Variants in CAPN12 observed in about 807,000 individuals in gnomAD.
CAPN12 encodes calpain 12.
CAPN12 carries 107 observed loss-of-function variants against 95.0 expected under a neutral mutation model. The ratio of observed to expected loss-of-function variants is 1.13; its 90% confidence interval spans 0.96 to 1.32. CAPN12 has a LOEUF of 1.32. Ranked by LOEUF, CAPN12 falls within the 40% of genes most tolerant of loss-of-function variation. The pLI is 0.00. For synonymous variants in CAPN12, 505 were observed against 415.5 expected (o/e 1.22, Z -2.62); for missense variants, 1,136 against 997.8 (o/e 1.14, Z -1.87).
Position 38,736,176 on chromosome 19 carries a change from G to A in CAPN12, c.1517C>T (p.Thr506Ile), listed in dbSNP as rs1437274960. The A allele has an allele frequency of 6.6e-7, 1 of 1,514,214 alleles. No homozygotes were observed. The allele number at this position is 1,514,214 out of a possible 1,614,324, so 93.8% of individuals were successfully genotyped here. The change falls in exon 12 of 21, where the codon ACC becomes ATC. Residue 506 changes from threonine to isoleucine, a missense_variant. Thr to Ile is a moderately conservative substitution (Grantham distance 89). Coordinates refer to ENST00000328867, the MANE Select transcript of CAPN12 (RefSeq NM_144691.4). ...RPGHYLVVPS[T>I]AHAGDEADFT... ...GTCAGCCTCGTCGCCGGCGTGGGCG[G>A]TGCTCGGCACCACCAGGTAGTGGCC...
rs750649524 is a variant in CAPN12, at chr19:38,740,194, G to A, written c.586C>T (p.Arg196Trp). The change falls in exon 5 of 21, where the codon CGG (arginine) becomes TGG (tryptophan). Residue 196 changes from arginine to tryptophan, a missense_variant. Transcript: ENST00000328867. ...AKLHGSYEVM[R>W]GGHMNEAFVD... ...AAAGCCTCATTCATGTGGCCGCCCC[G>A]CATCACCTCATAGGAGCCGTGGAGC... The A allele has an allele frequency of 4.0e-5, 64 of 1,609,904 alleles. No individual in the cohort carries two copies. The Middle Eastern group carries it at 4.9e-4, about 12-fold the overall frequency.
Position 38,730,414 on chromosome 19 carries a change from G to A in CAPN12, c.*438C>T, listed in dbSNP as rs1459476483. On this transcript the variant is annotated 3_prime_UTR_variant, in exon 21 of 21. Transcript: ENST00000328867. The stretch of plus-strand genomic sequence containing the variant: ...TGGCCTGGCTGCCTGGTGGTTGATG[G>A]TTTTGCTCCCCCTACCTTTTTTTTT... 3 of 186,290 alleles carry A rather than the reference G, an allele frequency of 1.6e-5. No individual in the cohort carries two copies. In the South Asian group the frequency reaches 3.0e-4, roughly 18 times the overall value. 11.5% of individuals were successfully genotyped at this position (186,290 alleles called of 1,614,324 possible).
chr19:38,740,023 G>T (rs1970454199), intron 5 of CAPN12, 28 bp downstream of exon 5: 2 of 1,524,042 alleles, frequency 1.3e-6, no homozygotes, highest in African/African-American at 1.4e-5. Context: ...CCTGGTGGGG[G>T]TTCCGCATGC....
chr19:38,731,234 GCTGCTT>G lies in CAPN12; in HGVS notation c.1958-17_1958-12del, dbSNP rs1969578793. The G allele has an allele frequency of 6.2e-7, 1 of 1,609,348 alleles. No individual in the cohort carries two copies. The highest frequency in any genetic ancestry group is 8.5e-7 in the Non-Finnish European group (1 of 1,177,696). ...TGTTCAGGTGGAAGCCTAGGGGGAG[GCTGCTT>G]CTGAGCCCAGTGGCCCACAGGGAAC... is the stretch of plus-strand genomic sequence containing the variant. On this transcript the variant is annotated splice_polypyrimidine_tract_variant and intron_variant, in intron 18 of 20. Coordinates refer to ENST00000328867, the MANE Select transcript of CAPN12 (RefSeq NM_144691.4).
intron 4 of CAPN12, among the ~76,000 whole-genome samples, chr19:38,740,878 G>C (rs975261469): frequency 6.6e-6 from 1 of 152,084 alleles, no homozygotes; most frequent in African/African-American, 2.4e-5. Flanking sequence ...TGGGCCTGTG[G>C]TCCTTGGGGT....
chr19:38,736,614 G>T, intron 10 of CAPN12, 51 bp from the exon 11 acceptor site: 2 of 1,568,954 alleles, frequency 1.3e-6, no homozygotes, highest in Non-Finnish European at 8.7e-7. Flanking sequence ...GGTGGCCGCC[G>T]CTCAGGGTCT....
rs575237128 is a variant in CAPN12 at position 38,733,533 on chromosome 19, G to A, written c.1957+170C>T. 4 of 547,166 alleles carry A rather than the reference G, an allele frequency of 7.3e-6. No homozygotes were observed. In the Admixed American group the frequency reaches 1.0e-4, roughly 14 times the overall value. 33.9% of individuals were successfully genotyped at this position (547,166 alleles called of 1,614,324 possible). On this transcript the variant is annotated intron_variant, in intron 18 of 20. Transcript: ENST00000328867. ...CCCTTGCCCTTCTCCTTCCTTATTT[G>A]GCCTCTTTCAGGGTCACCCAACCCC...
At chr19:38,740,933 G>C (rs922943900) in intron 4 of CAPN12, among the ~76,000 whole-genome samples, 14 of 152,110 alleles carry the variant, frequency 9.2e-5, no homozygotes, top group Non-Finnish European at 1.5e-5. Context: ...AGCTGTGTTA[G>C]AATTCTGAGA....
At chr19:38,736,657 C>A in intron 10 of CAPN12, 94 bp from the exon 11 acceptor site, 1 of 1,344,750 alleles carries the variant, frequency 7.4e-7, no homozygotes, top group Non-Finnish European at 1.0e-6. Flanking sequence ...TGTGCTCTCT[C>A]CCTCCTTCTT....
chr19:38,735,982 CA>C lies in CAPN12; in HGVS notation c.1583+127del, dbSNP rs1970091341. 9 of 227,182 alleles carry C rather than the reference CA, an allele frequency of 4.0e-5. No individual in the cohort carries two copies. In the African/African-American group the frequency reaches 5.9e-4, roughly 15 times the overall value. The allele number at this position is 227,182 out of a possible 1,614,324, so 14.1% of individuals were successfully genotyped here. A position where few individuals can be genotyped will look rare whatever the true frequency, so the allele number is the denominator to read the frequency against. On this transcript the variant is annotated intron_variant, in intron 12 of 20. Coordinates refer to ENST00000328867, the MANE Select transcript of CAPN12 (RefSeq NM_144691.4). ...GTTCTGGGGGCGGGGCGGGGCGGGG[CA>C]GGGGTTCTGGGGGCGGGGCAGGTCA...
At position 38,731,177 on chromosome 19, in the gene CAPN12, G is replaced by A. The variant is rs1198413855; in HGVS notation, c.2004C>T (p.Tyr668=). The change falls in exon 19 of 21, where the codon TAC becomes TAT. Residue 668 remains tyrosine, a synonymous_variant. Coordinates refer to ENST00000328867, the MANE Select transcript of CAPN12 (RefSeq NM_144691.4). ...NQLTQTLTSR[Y]RDSRLRVDFE... Reference sequence around the variant, plus strand: ...AGTCCACACGCAGACGGCTATCCCGGTAGCGGCTGGTGAGGGTCTGGGTCA... The same window carrying A: ...AGTCCACACGCAGACGGCTATCCCGATAGCGGCTGGTGAGGGTCTGGGTCA... 4 of 1,613,130 alleles carry A rather than the reference G, an allele frequency of 2.5e-6. No individual in the cohort carries two copies. Among genetic ancestry groups the A allele is most frequent in the Non-Finnish European group, 3.4e-6 (4 of 1,180,012 alleles).
At position 38,737,162 on chromosome 19, in the gene CAPN12, C is replaced by A; in HGVS notation, c.1356G>T (p.Val452=). 1 of 1,534,818 alleles carries A rather than the reference C, an allele frequency of 6.5e-7. No individual in the cohort carries two copies. Among genetic ancestry groups the A allele is most frequent in the Non-Finnish European group, 8.8e-7 (1 of 1,139,624 alleles). ...GCTTTGCCCAGGACCTCACCTGGAA[C>A]ACGTGGAAGCCAACGGTGAGGTAAG... The part of the protein sequence containing the change: ...GLTYLTVGFH[V]FQIPEELLGL... Residue 452 remains valine, a synonymous_variant, in exon 10 of 21, where the codon GTG becomes GTT. Transcript: ENST00000328867.
In CAPN12 at chr19:38,741,930, G is replaced by T; in HGVS notation, c.427-20C>A. The T allele has an allele frequency of 6.2e-7, 1 of 1,611,134 alleles. No individual in the cohort carries two copies. ...CCAGAGCTGGTGGGAGAAGATGCAG[G>T]GCCGGACTCGGCTTCCAACCTCCAA... On this transcript the variant is annotated intron_variant, in intron 3 of 20. Coordinates refer to ENST00000328867, the MANE Select transcript of CAPN12 (RefSeq NM_144691.4).
At position 38,734,989 on chromosome 19, in the gene CAPN12, G is replaced by A. The variant is rs1481310897; in HGVS notation, c.1687-119C>T. On this transcript the variant is annotated intron_variant, in intron 14 of 20. Coordinates refer to ENST00000328867, the MANE Select transcript of CAPN12 (RefSeq NM_144691.4). ...CTCAGAGCCCTAGCTCCAGGAGTGG[G>A]GGAGACAGACCTGTCCCCACAGGGC... The A allele has an allele frequency of 1.4e-5, 13 of 916,860 alleles. No homozygotes were observed. In the Admixed American group the frequency reaches 2.9e-4, roughly 21 times the overall value. The allele number at this position is 916,860 out of a possible 1,614,324, so 56.8% of individuals were successfully genotyped here. A position where few individuals can be genotyped will look rare whatever the true frequency, so the allele number is the denominator to read the frequency against.
intron 18 of CAPN12, among the ~76,000 whole-genome samples, chr19:38,732,718 C>T (rs1008388455): frequency 1.2e-4 from 19 of 152,290 alleles, no homozygotes; most frequent in East Asian, 9.6e-4. Context: ...TCTGGCTCTC[C>T]GACTCCATCA....
chr19:38,733,462 C>T (rs2145153398), intron 18 of CAPN12: 1 of 516,978 alleles, frequency 1.9e-6, no homozygotes, highest in South Asian at 2.7e-5. Context: ...CCCAGAACCC[C>T]TACCAGGCAC....
rs369579387 is a variant in CAPN12, at chr19:38,734,402, CAA to C, written c.1745-15_1745-14del. 405 of 1,574,914 alleles carry C rather than the reference CAA, an allele frequency of 2.6e-4. 3 individuals are homozygous for C. In the African/African-American group the frequency reaches 3.8e-3, roughly 15 times the overall value. On this transcript the variant is annotated splice_polypyrimidine_tract_variant and intron_variant, in intron 15 of 20. Transcript: ENST00000328867. ...GTATGGGCCCTGGCTACAGGAAAAA[CAA>C]AGTCAAACCACAGCACTTCCTGCAT...
rs376104611 is a variant in CAPN12, at chr19:38,731,026, G to C, written c.2075-3C>G. ...ATCCAGGTGCTGGCTGCAGTGGCCT[G>C]TGCAGAGAGGGGCAGGGTGAGTGCC... On this transcript the variant is annotated splice_region_variant and splice_polypyrimidine_tract_variant and intron_variant, in intron 19 of 20. Transcript: ENST00000328867. 18 of 1,555,020 alleles carry C rather than the reference G, an allele frequency of 1.2e-5. No individual in the cohort carries two copies. Among genetic ancestry groups the C allele is most frequent in the East Asian group, 2.4e-5 (1 of 41,200 alleles).
chr19:38,732,891 T>C (rs1969733182), intron 18 of CAPN12, among the ~76,000 whole-genome samples: 1 of 152,204 alleles, frequency 6.6e-6, no homozygotes, highest in African/African-American at 2.4e-5. Flanking sequence ...TCATCTGCCT[T>C]GGAGCCCATG....
Sources: allele counts gnomAD v4.1 joint callset (sites outside exome capture counted in the v4.1 genomes callset), GRCh38; gene constraint gnomAD v4.1.1; transcripts MANE v1.5; gene names NCBI Gene and HGNC (gene_info 2026-07-23, HGNC 2026-07-21).